Variants in FAM83A observed in about 807,000 individuals in gnomAD.
FAM83A encodes protein FAM83A.
A neutral mutation model predicts 24.4 loss-of-function variants in FAM83A; 21 were observed. The ratio of observed to expected loss-of-function variants is 0.86; its 90% CI spans 0.61 to 1.24. The LOEUF (loss-of-function observed/expected upper bound fraction) is 1.24, where lower values mean the gene tolerates loss of function less well. Ranked by LOEUF, FAM83A falls within the 50% of genes most tolerant of loss-of-function variation. FAM83A has a pLI of 0.00. For synonymous variants in FAM83A, 270 were observed against 252.4 expected, an observed-to-expected ratio of 1.07 and a Z score of -0.66; for missense variants, 617 against 579.8, an observed-to-expected ratio of 1.06 and a Z score of -0.66.
chr8:123,181,768 T>A (rs960872240), upstream of FAM83A: 1 of 308,122 alleles, frequency 3.2e-6, no homozygotes, highest in African/African-American at 2.2e-5. Flanking sequence ...GCTCCTCAAC[T>A]TCACCTGGCC....
upstream of FAM83A, chr8:123,182,359 C>G: frequency 2.8e-6 from 1 of 356,606 alleles, no homozygotes. Context: ...CAGGGAAATT[C>G]TTATCTTTGA....
intron 3 of FAM83A, among the ~76,000 whole-genome samples, chr8:123,196,444 C>T (rs1003022262): frequency 6.6e-6 from 1 of 152,118 alleles, no homozygotes; most frequent in Admixed American, 6.5e-5. Flanking sequence ...TTGCTTTTCC[C>T]CTTTTGTGTT....
intron 3 of FAM83A, among the ~76,000 whole-genome samples, chr8:123,204,646 C>G (rs978044515): frequency 5.3e-5 from 8 of 151,974 alleles, no homozygotes; most frequent in African/African-American, 1.9e-4. Flanking sequence ...CCTGTAGTCC[C>G]AGCTACTTGG....
chr8:123,182,722 G>GCACGC, exon 1 of FAM83A: 1 of 1,328,536 alleles, frequency 7.5e-7, no homozygotes, highest in Non-Finnish European at 1.0e-6. Flanking sequence ...GAGGTGCCCT[G>GCACGC]CACGCCGGTC....
At chr8:123,182,543 G>A (rs1235989770), upstream of FAM83A, 17 of 556,992 alleles carry the variant, frequency 3.1e-5, no homozygotes, top group East Asian at 4.7e-4. Flanking sequence ...CTCCCCCTGC[G>A]GCTGGGAGGA....
chr8:123,193,078 C>T (rs1824034791), intron 2 of FAM83A: 2 of 152,504 alleles, frequency 1.3e-5, no homozygotes, highest in African/African-American at 4.8e-5. Flanking sequence ...CAGCCTTAAC[C>T]CTGAGACTCC....
rs73341733 is a variant in FAM83A, at chr8:123,187,837, T to A, written c.481-3966T>A. 2.2e-3 allele frequency among the ~76,000 whole-genome samples: 336 copies of A among 152,056 alleles called. 3 individuals carry two copies. The highest frequency in any genetic ancestry group is 7.7e-3 in the African/African-American group (321 of 41,504). The stretch of plus-strand genomic sequence containing the variant: ...GGAAACTAGGGGCTGGAATTATTGC[T>A]CTTTTATTTTTATTTTTTATTTTTT... On this transcript the variant is annotated intron_variant, in intron 1 of 3. Coordinates refer to ENST00000690554, the Ensembl canonical transcript of FAM83A.
At chr8:123,200,959 A>AC (rs1231754077) in intron 3 of FAM83A, among the ~76,000 whole-genome samples, 9 of 94,710 alleles carry the variant, frequency 9.5e-5, no homozygotes, top group South Asian at 3.3e-4. Flanking sequence ...CAAATAAACA[A>AC]AAAAAAAAAA....
upstream of FAM83A, chr8:123,182,651 C>T (rs541958395): frequency 2.9e-5 from 24 of 825,982 alleles, no homozygotes; most frequent in East Asian, 4.8e-4. Flanking sequence ...AAGCCAATCC[C>T]GCAGCTGCAG....
upstream of FAM83A, chr8:123,182,113 C>T (rs535539369): frequency 8.8e-6 from 4 of 456,226 alleles, no homozygotes; most frequent in African/African-American, 6.0e-5. Context: ...CCACTTCCAG[C>T]GAGGAAGCGT....
chr8:123,183,164 G>A lies in FAM83A; in HGVS notation c.308G>A (p.Gly103Asp), dbSNP rs756233493. 75 of 1,613,734 alleles carry A rather than the reference G, an allele frequency of 4.6e-5. 2 individuals carry two copies. The South Asian group carries it at 8.1e-4, about 17-fold the overall frequency. Reference sequence around the variant, plus strand: ...CTGGACTCCAGCTCCCTACAGTCCGGCACCTACTTCCCTGTGGCCTCAGAG... The same window carrying A: ...CTGGACTCCAGCTCCCTACAGTCCGACACCTACTTCCCTGTGGCCTCAGAG... Residue 103 changes from glycine (G) to aspartate (D), a missense_variant, in exon 1 of 4, where the codon GGC becomes GAC. By Grantham distance (94) the Gly-to-Asp change is moderately conservative. Transcript: ENST00000690554.
upstream of FAM83A, chr8:123,180,412 C>T (rs567126249): frequency 1.3e-5 from 2 of 153,462 alleles, no homozygotes; most frequent in South Asian, 2.0e-4. Context: ...TCTAAAGCCA[C>T]CTCATGCTCA....
chr8:123,181,252 A>G (rs1477348630), upstream of FAM83A, among the ~76,000 whole-genome samples: 19 of 152,200 alleles, frequency 1.2e-4, no homozygotes, highest in Admixed American at 1.2e-3. Flanking sequence ...CAGCCGCGCC[A>G]CACTTTAAAA....
rs1824364007 is a variant in FAM83A at position 123,201,710 on chromosome 8, T to G, written c.774-5447T>G. 4 of 152,244 alleles carry G rather than the reference T, an allele frequency of 2.6e-5. No individual in the cohort carries two copies. The South Asian group carries it at 8.3e-4, about 32-fold the overall frequency. 9.4% of individuals were successfully genotyped at this position (152,244 alleles called of 1,614,324 possible). ...ATGGTTCTCCCAAACTGAAGAGCCCTGCTTCCTCCGCTGAGGCTAGAGGGC... is the reference window on the plus strand; with the variant it reads ...ATGGTTCTCCCAAACTGAAGAGCCCGGCTTCCTCCGCTGAGGCTAGAGGGC... On this transcript the variant is annotated intron_variant, in intron 3 of 3. Coordinates refer to ENST00000690554, the Ensembl canonical transcript of FAM83A.
intron 1 of FAM83A, among the ~76,000 whole-genome samples, chr8:123,183,641 C>T (rs1222530645): frequency 6.6e-6 from 1 of 151,510 alleles, no homozygotes; most frequent in African/African-American, 2.4e-5. Flanking sequence ...GGCTTTTCCT[C>T]TCTTTCTTTT....
intron 3 of FAM83A, among the ~76,000 whole-genome samples, chr8:123,198,281 C>T (rs1459918867): frequency 3.3e-5 from 5 of 152,234 alleles, no homozygotes; most frequent in Middle Eastern, 3.4e-3. Context: ...AGAAACGTTA[C>T]GCCCTCCCAG....
Position 123,209,930 on chromosome 8 carries a change from C to T in FAM83A, c.*2242C>T, listed in dbSNP as rs1308689705. ...GGGCAGAAGCTTTGAGAGCCTGGGT[C>T]CAGGTTGCCACATAGAAGCAGCTCT... On this transcript the variant is annotated 3_prime_UTR_variant, in exon 4 of 4. Coordinates refer to ENST00000690554, the Ensembl canonical transcript of FAM83A. The surrounding 1 kb of genome is among the most constrained non-coding windows in gnomAD (Gnocchi z 4.7). The T allele has an allele frequency of 9.4e-6, 2 of 212,628 alleles. No individual in the cohort carries two copies. Among genetic ancestry groups the T allele is most frequent in the Admixed American group, 5.1e-5 (1 of 19,572 alleles). 13.2% of individuals were successfully genotyped at this position (212,628 alleles called of 1,614,324 possible). A position where few individuals can be genotyped will look rare whatever the true frequency, so the allele number is the denominator to read the frequency against.
chr8:123,182,188 A>C (rs1214934661), upstream of FAM83A: 8 of 444,272 alleles, frequency 1.8e-5, no homozygotes, highest in Non-Finnish European at 3.2e-5. Flanking sequence ...TTGAGAGGGC[A>C]TGGGAGAAAG....
At chr8:123,195,177 G>A (rs867303702) in intron 3 of FAM83A, among the ~76,000 whole-genome samples, 20 of 152,272 alleles carry the variant, frequency 1.3e-4, no homozygotes, top group South Asian at 1.2e-3. Context: ...GAGGGCAACT[G>A]GTTACATCTT....
Sources: gnomAD v4.1 joint callset for allele counts (sites outside exome capture counted in the v4.1 genomes callset) on GRCh38, gnomAD v4.1.1 for gene constraint, Gnocchi (gnomAD v3.1) non-coding constraint, MANE v1.5 for transcripts, NCBI Gene and HGNC (gene_info 2026-07-23, HGNC 2026-07-21) for gene names.